CCDC192: variants seen among roughly 807,000 people sequenced by gnomAD.
CCDC192 encodes the protein coiled-coil domain containing 192.
intron 5 of CCDC192, among the ~76,000 whole-genome samples, chr5:127,865,969 T>A (rs1016194310): frequency 1.3e-5 from 2 of 152,148 alleles, no homozygotes; most frequent in African/African-American, 2.4e-5. Context: ...AGCTTTTTTT[T>A]ATATACCGTG....
intron 3 of CCDC192, among the ~76,000 whole-genome samples, chr5:127,765,404 G>A (rs1282217202): frequency 6.6e-6 from 1 of 152,070 alleles, no homozygotes; most frequent in Non-Finnish European, 1.5e-5. Flanking sequence ...ATATTTTTGT[G>A]TTAGGATATA....
intron 6 of CCDC192, among the ~76,000 whole-genome samples, chr5:127,901,499 C>T (rs1180571935): frequency 1.3e-5 from 2 of 151,896 alleles, no homozygotes; most frequent in Admixed American, 1.3e-4. Context: ...AGTTTAAAAA[C>T]AAATAGAGAA....
At chr5:127,802,539 T>G (rs1283421770) in intron 5 of CCDC192, among the ~76,000 whole-genome samples, 1 of 152,146 alleles carries the variant, frequency 6.6e-6, no homozygotes, top group Non-Finnish European at 1.5e-5. Flanking sequence ...TTGCCAGACT[T>G]TCCCCATTCT....
chr5:127,777,721 T>G (rs1755953170), intron 3 of CCDC192, among the ~76,000 whole-genome samples: 1 of 152,204 alleles, frequency 6.6e-6, no homozygotes, highest in East Asian at 1.9e-4. Context: ...CCCCATACTG[T>G]TCTTGTGATA....
intron 6 of CCDC192, among the ~76,000 whole-genome samples, chr5:127,879,031 G>C (rs1337457053): frequency 6.8e-4 from 102 of 150,148 alleles, no homozygotes; most frequent in African/African-American, 2.4e-3. Flanking sequence ...GTATAAGAAT[G>C]CTTGTGATTT....
intron 3 of CCDC192, among the ~76,000 whole-genome samples, chr5:127,764,966 A>G (rs1222292882): frequency 1.3e-5 from 2 of 152,146 alleles, no homozygotes; most frequent in Non-Finnish European, 2.9e-5. Context: ...GATCTCATTT[A>G]TTAGCCTCAG....
At chr5:127,877,658 C>G (rs1418834709) in intron 6 of CCDC192, among the ~76,000 whole-genome samples, 1 of 115,056 alleles carries the variant, frequency 8.7e-6, no homozygotes, top group Non-Finnish European at 1.9e-5. Flanking sequence ...ATAATATTAA[C>G]TGGCATTCTC....
At position 127,703,522 on chromosome 5, in the gene CCDC192, C is replaced by T. The variant is rs1228362805; in HGVS notation, c.62+15C>T. ...GAGAGAAGCAGGTGAGTTCCCAGCT[C>T]CTCTCATCCCAAAATAATTCATGGG... On this transcript the variant is annotated intron_variant, in intron 1 of 6. Transcript: ENST00000514853. 5.0e-6 allele frequency: 2 copies of T among 398,636 alleles called. No individual in the cohort carries two copies. Among genetic ancestry groups the T allele is most frequent in the Non-Finnish European group, 8.9e-6 (2 of 225,962 alleles). The allele number at this position is 398,636 out of a possible 1,614,324, so 24.7% of individuals were successfully genotyped here. A position where few individuals can be genotyped will look rare whatever the true frequency, so the allele number is the denominator to read the frequency against.
chr5:127,829,032 G>A (rs1182566959), intron 5 of CCDC192, among the ~76,000 whole-genome samples: 2 of 152,178 alleles, frequency 1.3e-5, no homozygotes, highest in African/African-American at 4.8e-5. Context: ...AAGAGGTAAT[G>A]AGGATAGACA....
chr5:127,718,031 T>G (rs1751741228), intron 2 of CCDC192, among the ~76,000 whole-genome samples: 1 of 151,478 alleles, frequency 6.6e-6, no homozygotes, highest in East Asian at 1.9e-4. Flanking sequence ...ACTTTAATAA[T>G]AAGTGCTATT....
intron 5 of CCDC192, among the ~76,000 whole-genome samples, chr5:127,843,791 C>T (rs1300794789): frequency 6.6e-6 from 1 of 152,160 alleles, no homozygotes; most frequent in Non-Finnish European, 1.5e-5. Context: ...CCAGATCCTA[C>T]CCAAGGTCTG....
intron 3 of CCDC192, among the ~76,000 whole-genome samples, chr5:127,788,103 A>AAAG (rs1554075165): frequency 2.0e-5 from 3 of 148,876 alleles, no homozygotes; most frequent in Non-Finnish European, 3.0e-5. Flanking sequence ...AAAAAAAAAA[A>AAAG]GGGGGGGACT....
chr5:127,823,303 C>T (rs137915967), intron 5 of CCDC192, among the ~76,000 whole-genome samples: 1 of 152,314 alleles, frequency 6.6e-6, no homozygotes, highest in East Asian at 1.9e-4. Context: ...CGCCTCTTTC[C>T]TCTACCATCT....
In CCDC192 at chr5:127,886,247, A is replaced by C. The variant is rs533646888; in HGVS notation, c.535+10586A>C. Reference sequence around the variant, plus strand: ...TCTGCTCCATAAAGATGGTCAAGACATGTTCCGGGGCTACTTTTTTCCCTG... The same window carrying C: ...TCTGCTCCATAAAGATGGTCAAGACCTGTTCCGGGGCTACTTTTTTCCCTG... On this transcript the variant is annotated intron_variant, in intron 6 of 6. Coordinates refer to ENST00000514853, the MANE Select transcript of CCDC192 (RefSeq NM_001317938.2). 1.2e-4 allele frequency among the ~76,000 whole-genome samples: 18 copies of C among 152,330 alleles called. 1 individual carries two copies. In the South Asian group the frequency reaches 3.3e-3, roughly 28 times the overall value.
At chr5:127,870,628 G>C (rs1352824589) in intron 5 of CCDC192, among the ~76,000 whole-genome samples, 1 of 152,184 alleles carries the variant, frequency 6.6e-6, no homozygotes, top group Non-Finnish European at 1.5e-5. Flanking sequence ...AATGGGCAGT[G>C]GCTGCTGAAA....
Position 127,918,106 on chromosome 5 carries a change from G to T in CCDC192, c.536-23076G>T, listed in dbSNP as rs148089253. Among the ~76,000 whole-genome samples the T allele has an allele frequency of 2.7e-3, 416 of 151,812 alleles. 10 individuals are homozygous for T. Among genetic ancestry groups the T allele is most frequent in the Non-Finnish European group, 3.5e-4 (24 of 68,004 alleles). ...GCTGAGATCGCACCACTGCATTCCA[G>T]TCTGGGTAACAGAGCAAGACCCTGT... On this transcript the variant is annotated intron_variant, in intron 6 of 6. Transcript: ENST00000514853.
At chr5:127,859,177 A>C (rs997442935) in intron 5 of CCDC192, among the ~76,000 whole-genome samples, 1 of 152,236 alleles carries the variant, frequency 6.6e-6, no homozygotes, top group African/African-American at 2.4e-5. Context: ...TTATGTAGAC[A>C]AACTCTAAAT....
intron 6 of CCDC192, among the ~76,000 whole-genome samples, chr5:127,914,036 A>G (rs2127180235): frequency 6.6e-6 from 1 of 152,378 alleles, no homozygotes; most frequent in South Asian, 2.1e-4. Flanking sequence ...GGAGAAAGGC[A>G]GAATTATGAT....
At chr5:127,765,775 C>A (rs1370064939) in intron 3 of CCDC192, among the ~76,000 whole-genome samples, 2 of 152,180 alleles carry the variant, frequency 1.3e-5, no homozygotes, top group African/African-American at 4.8e-5. Context: ...AACATTTGGT[C>A]ACTCTATCAC....
Sources: allele counts gnomAD v4.1 joint callset (sites outside exome capture counted in the v4.1 genomes callset), GRCh38; gene constraint gnomAD v4.1.1; transcripts MANE v1.5; gene names NCBI Gene and HGNC (gene_info 2026-07-23, HGNC 2026-07-21).